GALNT13: variants seen among roughly 807,000 people sequenced by gnomAD.
GALNT13 encodes the protein UDP-GalNAc:polypeptide N-acetylgalactosaminyltransferase 13.
GALNT13 carries 28 observed loss-of-function variants against 64.2 expected under a neutral mutation model. That is an observed-to-expected ratio of 0.44 (90% CI 0.32 to 0.60). GALNT13 has a LOEUF of 0.60. Ranked by LOEUF, GALNT13 falls within the 20% of genes least tolerant of loss-of-function variation. The pLI is 0.05. For missense variants in GALNT13, 577 were observed against 669.8 expected (o/e 0.86, Z 1.53); for synonymous variants, 214 against 224.6 (o/e 0.95, Z 0.42).
chr2:153,752,926 C>A, the GALNT13 span, among the ~76,000 whole-genome samples: 1 of 152,022 alleles, frequency 6.6e-6, no homozygotes, highest in East Asian at 1.9e-4. Flanking sequence ...AGGCATGTTT[C>A]ATTGCTTTTT....
the GALNT13 span, among the ~76,000 whole-genome samples, chr2:153,857,415 T>C: frequency 6.6e-6 from 1 of 152,114 alleles, no homozygotes; most frequent in Non-Finnish European, 1.5e-5. Flanking sequence ...TGAAAGTCAC[T>C]GTAATTTCAA....
At chr2:153,598,890 G>A in the GALNT13 span, among the ~76,000 whole-genome samples, 1 of 151,988 alleles carries the variant, frequency 6.6e-6, no homozygotes, top group African/African-American at 2.4e-5. Context: ...TTCAGTTGAA[G>A]GCAGGAAACT....
the GALNT13 span, among the ~76,000 whole-genome samples, chr2:153,193,539 A>C: frequency 1.3e-5 from 2 of 151,974 alleles, no homozygotes; most frequent in South Asian, 4.2e-4. Flanking sequence ...CGGCACATGT[A>C]TACATATGTA....
At chr2:153,278,357 A>G in the GALNT13 span, among the ~76,000 whole-genome samples, 1 of 152,178 alleles carries the variant, frequency 6.6e-6, no homozygotes, top group African/African-American at 2.4e-5. Context: ...CTGTTTAATT[A>G]GGCCCCATTT....
At chr2:153,881,068 T>G (rs953944223) in intron 1 of GALNT13, among the ~76,000 whole-genome samples, 1 of 152,162 alleles carries the variant, frequency 6.6e-6, no homozygotes, top group Non-Finnish European at 1.5e-5. Context: ...TCTAGGTCAT[T>G]TAACAGGTGG....
intron 8 of GALNT13, among the ~76,000 whole-genome samples, chr2:154,286,144 ACTT>A (rs1692253924): frequency 6.6e-6 from 1 of 152,078 alleles, no homozygotes; most frequent in Non-Finnish European, 1.5e-5. Context: ...AGATAATTTC[ACTT>A]CTTCTTTTCA....
At chr2:153,725,491 AAAAG>A in the GALNT13 span, among the ~76,000 whole-genome samples, 4 of 151,454 alleles carry the variant, frequency 2.6e-5, no homozygotes, top group African/African-American at 9.7e-5. Context: ...ATAATAAAAA[AAAAG>A]AAAAAAGCTA....
At chr2:153,219,914 G>A in the GALNT13 span, among the ~76,000 whole-genome samples, 1 of 152,170 alleles carries the variant, frequency 6.6e-6, no homozygotes, top group Non-Finnish European at 1.5e-5. Flanking sequence ...CAATTGTTAA[G>A]GTGCTGCTCT....
the GALNT13 span, among the ~76,000 whole-genome samples, chr2:153,502,815 C>T: frequency 6.6e-6 from 1 of 152,128 alleles, no homozygotes; most frequent in Non-Finnish European, 1.5e-5. Flanking sequence ...TTGTGGTTTT[C>T]ATTTGCATTT....
intron 3 of GALNT13, among the ~76,000 whole-genome samples, chr2:154,011,394 A>G (rs1243124086): frequency 6.6e-6 from 1 of 152,096 alleles, no homozygotes; most frequent in Non-Finnish European, 1.5e-5. Context: ...GTTTTGAGTG[A>G]TCTTCATGGC....
At chr2:154,337,646 T>TA (rs968415121) in intron 9 of GALNT13, among the ~76,000 whole-genome samples, 3 of 152,120 alleles carry the variant, frequency 2.0e-5, no homozygotes, top group African/African-American at 7.2e-5. Context: ...TTATAATTGT[T>TA]AAATATTTTT....
At chr2:153,995,830 C>T (rs892752601) in intron 3 of GALNT13, among the ~76,000 whole-genome samples, 4 of 152,114 alleles carry the variant, frequency 2.6e-5, no homozygotes, top group African/African-American at 9.7e-5. Flanking sequence ...CCCACCTTCT[C>T]CCTTACCTCT....
At chr2:153,572,265 A>G in the GALNT13 span, among the ~76,000 whole-genome samples, 1 of 151,302 alleles carries the variant, frequency 6.6e-6, no homozygotes, top group East Asian at 1.9e-4. Flanking sequence ...GATCCTTTGC[A>G]TATCTGTGAT....
the GALNT13 span, among the ~76,000 whole-genome samples, chr2:153,723,828 T>C: frequency 8.0e-5 from 12 of 150,764 alleles, no homozygotes; most frequent in Non-Finnish European, 1.6e-4. Flanking sequence ...TGCAAGAACA[T>C]TCCACGCTCA....
chr2:154,216,856 C>T (rs1489477505), intron 4 of GALNT13, among the ~76,000 whole-genome samples: 1 of 129,878 alleles, frequency 7.7e-6, no homozygotes, highest in Non-Finnish European at 1.5e-5. Context: ...GTTACCCAGG[C>T]ACAAGTGCAG....
chr2:153,747,071 T>G, the GALNT13 span, among the ~76,000 whole-genome samples: 20 of 152,234 alleles, frequency 1.3e-4, no homozygotes, highest in South Asian at 4.1e-3. Context: ...TTTTAAATTT[T>G]TAATCTTCGT....
chr2:154,090,685 T>A (rs1701761194), intron 3 of GALNT13, among the ~76,000 whole-genome samples: 1 of 152,074 alleles, frequency 6.6e-6, no homozygotes, highest in Non-Finnish European at 1.5e-5. Context: ...CAAATTTCCG[T>A]TACCATTATG....
the GALNT13 span, among the ~76,000 whole-genome samples, chr2:153,659,617 A>C: frequency 6.6e-6 from 1 of 152,142 alleles, no homozygotes; most frequent in South Asian, 2.1e-4. Context: ...GTGCACAAAA[A>C]TTGCAAAGTA....
chr2:153,310,113 A>G, the GALNT13 span, among the ~76,000 whole-genome samples: 1 of 152,148 alleles, frequency 6.6e-6, no homozygotes, highest in Non-Finnish European at 1.5e-5. Context: ...TGAAAATCAC[A>G]TTCTTTATGG....
Sources: allele counts gnomAD v4.1 joint callset (sites outside exome capture counted in the v4.1 genomes callset), GRCh38; gene constraint gnomAD v4.1.1; transcripts MANE v1.5; gene names NCBI Gene and HGNC (gene_info 2026-07-23, HGNC 2026-07-21).